Variants in DISP3 observed in about 807,000 individuals in gnomAD.
DISP3 encodes the protein dispatched RND transporter family member 3.
DISP3 carries 101 observed loss-of-function variants against 135.3 expected under a neutral mutation model. The observed-to-expected ratio is 0.75, with a 90% confidence interval of 0.64 to 0.88. The LOEUF is 0.88. DISP3 is among the 40% of genes least tolerant of loss of function. The pLI, the probability that DISP3 is intolerant of heterozygous loss-of-function variation, is 0.00. For missense variants in DISP3, 1,713 were observed against 1,878.6 expected (o/e 0.91, Z 1.63); for synonymous variants, 856 against 817.0 (o/e 1.05, Z -0.81).
intron 1 of DISP3, among the ~76,000 whole-genome samples, chr1:11,486,017 G>C (rs573932394): frequency 6.6e-6 from 1 of 152,254 alleles, no homozygotes; most frequent in East Asian, 1.9e-4. Flanking sequence ...ATAGGGACTC[G>C]GGCTCTGTGT....
At chr1:11,534,793 G>C (rs755565634) in intron 18 of DISP3, 7 of 759,556 alleles carry the variant, frequency 9.2e-6, no homozygotes, top group Non-Finnish European at 1.1e-5. Flanking sequence ...GATGGCAGCT[G>C]CCAGTTACCA....
In DISP3 at chr1:11,537,365, G is replaced by A. The variant is rs2100525755; in HGVS notation, c.*679G>A. ...GTCCTACCCCTGACCCCAGCCTCAA[G>A]GGGCCCCTCAAAGGCCCTCTCTGGG... On this transcript the variant is annotated 3_prime_UTR_variant, in exon 21 of 21. Transcript: ENST00000294484. 6.6e-6 allele frequency: 1 copy of A among 151,934 alleles called. No homozygotes were observed. The highest frequency in any genetic ancestry group is 2.1e-4 in the South Asian group (1 of 4,786). 9.4% of individuals were successfully genotyped at this position (151,934 alleles called of 1,614,324 possible).
intron 1 of DISP3, among the ~76,000 whole-genome samples, chr1:11,490,921 C>A (rs1041996973): frequency 6.6e-6 from 1 of 152,236 alleles, no homozygotes; most frequent in East Asian, 1.9e-4. Context: ...ACCTAGTCCC[C>A]TTTTAAGGGG....
chr1:11,506,576 T>C (rs1157129715), intron 3 of DISP3, among the ~76,000 whole-genome samples: 3 of 152,232 alleles, frequency 2.0e-5, no homozygotes, highest in Non-Finnish European at 4.4e-5. Flanking sequence ...GAATTTCCAT[T>C]TGAATCTCTT....
Position 11,535,481 on chromosome 1 carries a change from T to C in DISP3, c.3653T>C (p.Ile1218Thr). The C allele has an allele frequency of 6.2e-7, 1 of 1,606,140 alleles. No individual in the cohort carries two copies. The highest frequency in any genetic ancestry group is 1.3e-5 in the African/African-American group (1 of 74,902). The change falls in exon 20 of 21, where the codon ATC becomes ACC. Residue 1218 changes from isoleucine to threonine, a missense_variant. This residue lies in a region of DISP3 where 1,142 missense variants were observed against 1,384.6 expected (regional missense o/e 0.82). Coordinates refer to ENST00000294484, the MANE Select transcript of DISP3 (RefSeq NM_020780.2). ...CCCCCCTGCTGTCTCCTTGCAGGCA[T>C]CGTGTGCCTGGTGGTGACCATCATG... ...LLPVLLSILG[I>T]VCLVVTIMYW...
intron 7 of DISP3, among the ~76,000 whole-genome samples, chr1:11,518,637 G>A (rs1642081490): frequency 6.6e-6 from 1 of 152,216 alleles, no homozygotes; most frequent in Non-Finnish European, 1.5e-5. Context: ...CAGTCAGTCA[G>A]ATGTGGGCTT....
intron 17 of DISP3, chr1:11,533,808 TAAG>T: frequency 1.4e-6 from 1 of 717,840 alleles, no homozygotes; most frequent in Non-Finnish European, 2.6e-6. Context: ...GCAGATACCT[TAAG>T]AATCTTTTAG....
intron 2 of DISP3, among the ~76,000 whole-genome samples, 164 bp downstream of exon 2, chr1:11,502,252 G>T (rs1305675075): frequency 6.6e-6 from 1 of 152,246 alleles, no homozygotes. Context: ...GGGCTCAGGT[G>T]TGAGATGAGC....
chr1:11,501,709 C>T lies in DISP3; in HGVS notation c.717C>T (p.His239=), dbSNP rs1237130265. The T allele has an allele frequency of 1.9e-6, 3 of 1,598,312 alleles. No individual in the cohort carries two copies. The highest frequency in any genetic ancestry group is 2.6e-6 in the Non-Finnish European group (3 of 1,172,702). Residue 239 remains histidine (H), a synonymous_variant, in exon 2 of 21, where the codon CAC becomes CAT. Transcript: ENST00000294484. This position sits in a 1 kb window ranked among gnomAD's most constrained non-coding sequence, Gnocchi z 4.9. Reference sequence around the variant, plus strand: ...GGTACCAGCCCAGCATCCCGCCCCACGCGGCAGTCGCGGCCAATCAGAGCC... The same window carrying T: ...GGTACCAGCCCAGCATCCCGCCCCATGCGGCAGTCGCGGCCAATCAGAGCC... ...NGRYQPSIPP[H]AAVAANQSRA...
intron 13 of DISP3, 102 bp downstream of exon 13, chr1:11,526,937 C>G (rs1311615425): frequency 7.4e-7 from 1 of 1,359,362 alleles, no homozygotes; most frequent in Non-Finnish European, 9.7e-7. Context: ...GCCAGCAGGC[C>G]CCCTCACTTT....
At chr1:11,481,909 T>G (rs184306932) in intron 1 of DISP3, 22 of 152,340 alleles carry the variant, frequency 1.4e-4, no homozygotes, top group African/African-American at 4.1e-4. Context: ...GTAATTTTCT[T>G]GAGGTCATAC....
Position 11,517,459 on chromosome 1 carries a change from C to A in DISP3, c.1750-4C>A. 6.2e-7 allele frequency: 1 copy of A among 1,613,962 alleles called. No individual in the cohort carries two copies. The highest frequency in any genetic ancestry group is 8.5e-7 in the Non-Finnish European group (1 of 1,179,810). On this transcript the variant is annotated splice_region_variant and splice_polypyrimidine_tract_variant and intron_variant, in intron 6 of 20. Transcript: ENST00000294484. ...CACATCCCTCTCTTCCTTTCCATCACCAGATCCCAGCCGTCCACGACTTTG... is the reference window on the plus strand; with the variant it reads ...CACATCCCTCTCTTCCTTTCCATCAACAGATCCCAGCCGTCCACGACTTTG...
At chr1:11,500,949 C>T (rs1641488802) in intron 1 of DISP3, 41 bp from the exon 2 acceptor site, 1 of 1,604,840 alleles carries the variant, frequency 6.2e-7, no homozygotes, top group Non-Finnish European at 8.5e-7. Context: ...ACCTTCCCCT[C>T]ACTGTCTCTC....
rs1314395709 is a variant in DISP3 at position 11,531,758 on chromosome 1, G to A, written c.3375+48G>A. 1 of 1,548,226 alleles carries A rather than the reference G, an allele frequency of 6.5e-7. No individual in the cohort carries two copies. The highest frequency in any genetic ancestry group is 2.3e-5 in the East Asian group (1 of 44,280). On this transcript the variant is annotated intron_variant, in intron 17 of 20. Coordinates refer to ENST00000294484, the MANE Select transcript of DISP3 (RefSeq NM_020780.2). This position sits in a 1 kb window ranked among gnomAD's most constrained non-coding sequence, Gnocchi z 5.2. ...GGTGCCATGCTGCGTACTTGCCCGG[G>A]GTGTGCCACCTCTGATCCCAGCCCT...
chr1:11,492,151 A>T (rs1336651345), intron 1 of DISP3, among the ~76,000 whole-genome samples: 1 of 146,810 alleles, frequency 6.8e-6, no homozygotes, highest in Non-Finnish European at 1.5e-5. Context: ...AAAAGAAGTT[A>T]ATAATCGTAC....
At chr1:11,492,758 G>T (rs1026865564) in intron 1 of DISP3, among the ~76,000 whole-genome samples, 3 of 152,204 alleles carry the variant, frequency 2.0e-5, no homozygotes, top group Non-Finnish European at 2.9e-5. Flanking sequence ...TGGGGCTGGG[G>T]CAGGAGATAT....
chr1:11,480,916 GCT>G (rs1640885124), intron 1 of DISP3, among the ~76,000 whole-genome samples: 1 of 117,840 alleles, frequency 8.5e-6, no homozygotes, highest in Non-Finnish European at 1.7e-5. Flanking sequence ...ATTTTGCTTG[GCT>G]CTCTACCTCA....
intron 3 of DISP3, 108 bp downstream of exon 3, chr1:11,503,005 T>C: frequency 9.6e-7 from 1 of 1,037,054 alleles, no homozygotes; most frequent in Non-Finnish European, 1.4e-6. Flanking sequence ...CCTTTGGAAG[T>C]CTTTCTTTCC....
chr1:11,527,308 G>A (rs543533702), intron 13 of DISP3, among the ~76,000 whole-genome samples: 11 of 152,148 alleles, frequency 7.2e-5, no homozygotes, highest in Admixed American at 1.3e-4. Context: ...ATCCCACCTC[G>A]GGAGGCCGAG....
Sources: allele counts gnomAD v4.1 joint callset (sites outside exome capture counted in the v4.1 genomes callset), GRCh38; gene constraint gnomAD v4.1.1; regional missense constraint gnomAD v4.1.1; non-coding constraint Gnocchi (gnomAD v3.1); transcripts MANE v1.5; gene names NCBI Gene and HGNC (gene_info 2026-07-23, HGNC 2026-07-21).